CES5A: variants seen among roughly 807,000 people sequenced by gnomAD.
CES5A encodes carboxylesterase 5A, also known as carboxylesterase 5.
CES5A carries 67 observed loss-of-function variants against 62.9 expected under a neutral mutation model. That is an observed-to-expected ratio of 1.07 (90% CI 0.88 to 1.31). The LOEUF (loss-of-function observed/expected upper bound fraction) is 1.31, where lower values mean the gene tolerates loss of function less well. Ranked by LOEUF, CES5A falls within the 50% of genes most tolerant of loss-of-function variation. The pLI, the probability that CES5A is intolerant of heterozygous loss-of-function variation, is 0.00. For missense variants in CES5A, 748 were observed against 708.5 expected (o/e 1.06, Z -0.63); for synonymous variants, 296 against 280.8 (o/e 1.05, Z -0.54).
intron 1 of CES5A, among the ~76,000 whole-genome samples, chr16:55,923,594 G>A (rs1213341352): frequency 6.6e-6 from 1 of 151,756 alleles, no homozygotes; most frequent in Non-Finnish European, 1.5e-5. Context: ...AACATTTAAA[G>A]AAGTAATAAG....
At chr16:55,880,696 C>T (rs1054687980) in intron 1 of CES5A, among the ~76,000 whole-genome samples, 2 of 152,138 alleles carry the variant, frequency 1.3e-5, no homozygotes, top group Admixed American at 6.5e-5. Flanking sequence ...TGCACTGAGG[C>T]GTGCATTAAC....
upstream of CES5A, among the ~76,000 whole-genome samples, chr16:55,930,389 A>T (rs922552171): frequency 2.0e-5 from 3 of 152,074 alleles, no homozygotes; most frequent in Non-Finnish European, 4.4e-5. Flanking sequence ...CTGGTACTTG[A>T]TACCTTCCAC....
At position 55,871,597 on chromosome 16, in the gene CES5A, G is replaced by A. The variant is rs201475444; in HGVS notation, c.417+28C>T. ...CCAGGCCAAGGTCCTGCTAGCTAGAGCCCGAAGCACACAGCAGGCAGCCTT... is the reference window on the plus strand; with the variant it reads ...CCAGGCCAAGGTCCTGCTAGCTAGAACCCGAAGCACACAGCAGGCAGCCTT... On this transcript the variant is annotated intron_variant, in intron 3 of 12. Coordinates refer to ENST00000290567, the MANE Select transcript of CES5A (RefSeq NM_001143685.2). 7.8e-5 allele frequency: 125 copies of A among 1,612,790 alleles called. 1 individual carries two copies. In the East Asian group the frequency reaches 1.2e-3, roughly 16 times the overall value.
rs1398838853 is a variant in CES5A, at chr16:55,874,033, A to T, written c.78T>A (p.Pro26=). 1 of 1,601,964 alleles carries T rather than the reference A, an allele frequency of 6.2e-7. No homozygotes were observed. Among genetic ancestry groups the T allele is most frequent in the South Asian group, 1.1e-5 (1 of 88,666 alleles). The stretch of plus-strand genomic sequence containing the variant: ...TGTTCCTCTGTGGCCCTTCAGCAGA[A>T]GGCCCTGCGGGAACACATGGGAGGA... ...IWVLAAPTKG[P]SAEGPQRNTR... Residue 26 remains proline (P), a synonymous_variant, in exon 2 of 13, where the codon CCT becomes CCA. Coordinates refer to ENST00000290567, the MANE Select transcript of CES5A (RefSeq NM_001143685.2).
At chr16:55,869,547 G>C (rs2033537790) in intron 4 of CES5A, 64 bp downstream of exon 4, 1 of 1,581,224 alleles carries the variant, frequency 6.3e-7, no homozygotes, top group African/African-American at 1.3e-5. Flanking sequence ...GCTGGGCACT[G>C]TCTATGGCTA....
At chr16:55,939,812 T>C (rs1447362952) in intron 2 of CES5A, among the ~76,000 whole-genome samples, 5 of 151,958 alleles carry the variant, frequency 3.3e-5, no homozygotes, top group African/African-American at 1.2e-4. Context: ...ATGGAAATTA[T>C]ACAAAGTATG....
At chr16:55,910,137 A>T (rs1301500272) in intron 1 of CES5A, among the ~76,000 whole-genome samples, 1 of 152,172 alleles carries the variant, frequency 6.6e-6, no homozygotes, top group Non-Finnish European at 1.5e-5. Flanking sequence ...CACAGAGAGC[A>T]ATGGCGATGT....
chr16:55,861,482 G>T lies in CES5A; in HGVS notation c.845C>A (p.Ala282Glu). The T allele has an allele frequency of 6.2e-7, 1 of 1,613,606 alleles. No individual in the cohort carries two copies. The highest frequency in any genetic ancestry group is 8.5e-7 in the Non-Finnish European group (1 of 1,179,526). ...CCTCAGCAGGGCCTCAGAGTCTGACGCATTGTTACCACAGAAATGTGCAAC... is the reference window on the plus strand; with the variant it reads ...CCTCAGCAGGGCCTCAGAGTCTGACTCATTGTTACCACAGAAATGTGCAAC... Reference protein sequence around the residue: ...QVVAHFCGNNASDSEALLRCL... With the variant: ...QVVAHFCGNNESDSEALLRCL... Residue 282 changes from alanine to glutamate, a missense_variant, in exon 7 of 13, where the codon GCG (alanine) becomes GAG (glutamate). Physicochemically the swap from Ala to Glu is moderately radical, Grantham distance 107. Coordinates refer to ENST00000290567, the MANE Select transcript of CES5A (RefSeq NM_001143685.2).
At chr16:55,941,185 G>A (rs1333551666) in intron 2 of CES5A, among the ~76,000 whole-genome samples, 1 of 151,932 alleles carries the variant, frequency 6.6e-6, no homozygotes, top group Non-Finnish European at 1.5e-5. Flanking sequence ...AAGGCATACA[G>A]ACTAGAAAAG....
intron 2 of CES5A, among the ~76,000 whole-genome samples, chr16:55,939,932 A>G (rs1395667890): frequency 1.3e-5 from 2 of 152,134 alleles, no homozygotes; most frequent in African/African-American, 4.8e-5. Flanking sequence ...TCATAGGTCA[A>G]AAAAGAAGCC....
intron 1 of CES5A, chr16:55,955,800 T>TG: frequency 1.3e-6 from 2 of 1,531,238 alleles, no homozygotes; most frequent in Non-Finnish European, 1.7e-6. Flanking sequence ...CCAGTGGGTT[T>TG]GGGGGTGGGG....
chr16:55,855,959 C>T (rs1157054413), intron 9 of CES5A, among the ~76,000 whole-genome samples: 1 of 152,118 alleles, frequency 6.6e-6, no homozygotes, highest in Non-Finnish European at 1.5e-5. Context: ...TGGTGCTGTT[C>T]TCATGATAGA....
At chr16:55,870,978 G>A (rs1322698175) in intron 3 of CES5A, among the ~76,000 whole-genome samples, 13 of 152,214 alleles carry the variant, frequency 8.5e-5, no homozygotes, top group East Asian at 5.8e-4. Context: ...CCTGTGCCTC[G>A]TCTTCTCCAT....
chr16:55,891,159 A>G (rs1179241010), intron 1 of CES5A, among the ~76,000 whole-genome samples: 4 of 152,148 alleles, frequency 2.6e-5, no homozygotes, highest in Non-Finnish European at 5.9e-5. Context: ...TAAATTAGCC[A>G]ATCAGAAATG....
chr16:55,944,284 T>G (rs1186568306), intron 2 of CES5A: 1 of 602,416 alleles, frequency 1.7e-6, no homozygotes, highest in African/African-American at 1.9e-5. Context: ...TGGCCCCTGG[T>G]GACCTCCTGG....
chr16:55,858,179 CAGAG>C (rs2033281666), intron 8 of CES5A, among the ~76,000 whole-genome samples: 1 of 152,126 alleles, frequency 6.6e-6, no homozygotes, highest in African/African-American at 2.4e-5. Flanking sequence ...GCCTCAGCAA[CAGAG>C]AGAGACTCTG....
At chr16:55,895,465 T>C (rs939400488) in intron 1 of CES5A, among the ~76,000 whole-genome samples, 4 of 152,246 alleles carry the variant, frequency 2.6e-5, no homozygotes, top group Admixed American at 6.5e-5. Context: ...ATTCCGGAGC[T>C]TTCAGATGTA....
At chr16:55,946,186 A>G (rs1349990045) in intron 2 of CES5A, among the ~76,000 whole-genome samples, 1 of 152,214 alleles carries the variant, frequency 6.6e-6, no homozygotes, top group African/African-American at 2.4e-5. Flanking sequence ...GGATGTTTTG[A>G]CAAGACTCAA....
rs372216198 is a variant in CES5A at position 55,868,274 on chromosome 16, C to T, written c.551+1337G>A. 3.3e-4 allele frequency among the ~76,000 whole-genome samples: 50 copies of T among 152,324 alleles called. 1 individual carries two copies. The South Asian group carries it at 8.9e-3, about 27-fold the overall frequency. ...TGTAATTACTCTGGTCAGGGCACCC[C>T]GTCAGCCTCTCCTGCCTGCAAAGCA... On this transcript the variant is annotated intron_variant, in intron 4 of 12. Transcript: ENST00000290567.
Sources: allele counts gnomAD v4.1 joint callset (sites outside exome capture counted in the v4.1 genomes callset), GRCh38; gene constraint gnomAD v4.1.1; transcripts MANE v1.5; gene names NCBI Gene and HGNC (gene_info 2026-07-23, HGNC 2026-07-21).